BANK1: variants seen among roughly 807,000 people sequenced by gnomAD.
The protein encoded by BANK1 is B cell scaffold protein with ankyrin repeats 1.
Under a neutral mutation model 94.5 loss-of-function variants are expected in BANK1, and 95 were observed. That is an observed-to-expected ratio of 1.00 (90% CI 0.85 to 1.19). The LOEUF is 1.19. BANK1 is among the 50% of genes most tolerant of loss of function. The probability of loss-of-function intolerance (pLI) is 0.00; values close to 1 mark genes in which losing one functional copy is unlikely to be tolerated. For missense variants in BANK1, 987 were observed against 932.2 expected (o/e 1.06, Z -0.77); for synonymous variants, 334 against 308.4 (o/e 1.08, Z -0.87).
chr4:101,979,097 A>G (rs1261436974), intron 7 of BANK1, among the ~76,000 whole-genome samples: 8 of 152,048 alleles, frequency 5.3e-5, no homozygotes, highest in Non-Finnish European at 8.8e-5. Flanking sequence ...AATCCATTTT[A>G]TAAAATAAAG....
chr4:101,852,609 A>C (rs1727532223), intron 2 of BANK1, among the ~76,000 whole-genome samples: 1 of 150,612 alleles, frequency 6.6e-6, no homozygotes, highest in Non-Finnish European at 1.5e-5. Context: ...ATAGGAGCCT[A>C]CTAAATTGAC....
At chr4:101,871,401 A>T (rs1180051927) in intron 5 of BANK1, among the ~76,000 whole-genome samples, 1 of 152,096 alleles carries the variant, frequency 6.6e-6, no homozygotes, top group East Asian at 1.9e-4. Context: ...ATTTACCATA[A>T]AAACCTGTAA....
intron 7 of BANK1, among the ~76,000 whole-genome samples, chr4:101,951,877 A>T (rs1332842095): frequency 1.3e-5 from 2 of 151,816 alleles, no homozygotes; most frequent in East Asian, 1.9e-4. Context: ...AAACAAAAAA[A>T]ATAAAGAATG....
At chr4:101,822,365 A>G (rs1726192207) in intron 1 of BANK1, among the ~76,000 whole-genome samples, 1 of 151,526 alleles carries the variant, frequency 6.6e-6, no homozygotes, top group African/African-American at 2.4e-5. Context: ...CCTCAGAAAA[A>G]AAGAAAAAAA....
chr4:101,944,557 T>G (rs1479317200), intron 7 of BANK1, among the ~76,000 whole-genome samples: 1 of 151,958 alleles, frequency 6.6e-6, no homozygotes, highest in African/African-American at 2.4e-5. Flanking sequence ...AAAGCACTTT[T>G]GTTTTCATAG....
At chr4:101,854,694 C>T (rs1727614806) in intron 2 of BANK1, among the ~76,000 whole-genome samples, 1 of 151,620 alleles carries the variant, frequency 6.6e-6, no homozygotes, top group South Asian at 2.1e-4. Flanking sequence ...CCTTAATAAC[C>T]GTCATGGAAA....
At chr4:101,928,711 G>A (rs1007740150) in intron 7 of BANK1, among the ~76,000 whole-genome samples, 24 of 151,628 alleles carry the variant, frequency 1.6e-4, no homozygotes, top group African/African-American at 5.8e-4. Flanking sequence ...ATTTGAAGGG[G>A]AGAATGCCAA....
intron 1 of BANK1, among the ~76,000 whole-genome samples, chr4:101,825,643 A>C (rs1726336181): frequency 6.6e-6 from 1 of 152,052 alleles, no homozygotes; most frequent in South Asian, 2.1e-4. Flanking sequence ...GTGAGGATTA[A>C]ATGAGGTAAT....
intron 7 of BANK1, among the ~76,000 whole-genome samples, chr4:101,933,701 A>G (rs1445403494): frequency 6.6e-6 from 1 of 151,558 alleles, no homozygotes; most frequent in African/African-American, 2.4e-5. Context: ...AAGTAGCATC[A>G]ACTGTGTAGC....
chr4:101,985,712 G>A (rs1725462887), intron 7 of BANK1, among the ~76,000 whole-genome samples: 1 of 151,746 alleles, frequency 6.6e-6, no homozygotes, highest in Non-Finnish European at 1.5e-5. Context: ...GTTATAATCA[G>A]TGTAAACTTT....
At chr4:101,877,426 A>G (rs184155783) in intron 5 of BANK1, among the ~76,000 whole-genome samples, 2 of 152,356 alleles carry the variant, frequency 1.3e-5, no homozygotes, top group African/African-American at 4.8e-5. Context: ...TCTTATTTCA[A>G]TTAGAAAGAG....
chr4:102,065,823 G>GAGTT (rs1469271551), intron 13 of BANK1, among the ~76,000 whole-genome samples: 1 of 151,990 alleles, frequency 6.6e-6, no homozygotes, highest in East Asian at 1.9e-4. Context: ...GACAAATTAA[G>GAGTT]AGTTAGTAAA....
intron 7 of BANK1, among the ~76,000 whole-genome samples, chr4:101,997,321 ATTCAGT>A (rs1338115394): frequency 2.0e-5 from 3 of 152,112 alleles, no homozygotes; most frequent in African/African-American, 4.8e-5. Flanking sequence ...GTACTGCTGG[ATTCAGT>A]TTGCCAGTAT....
Position 101,917,989 on chromosome 4 carries a change from A to G in BANK1, c.1010-4A>G, listed in dbSNP as rs80317706. On this transcript the variant is annotated splice_region_variant and splice_polypyrimidine_tract_variant and intron_variant, in intron 6 of 16. Transcript: ENST00000322953. Reference sequence around the variant, plus strand: ...TTAAATCCTACTACTTCTTATGCTTACAGATACTCATTTCAAAGAACTTCC... The same window carrying G: ...TTAAATCCTACTACTTCTTATGCTTGCAGATACTCATTTCAAAGAACTTCC... 3.7e-3 allele frequency: 5,913 copies of G among 1,597,238 alleles called. 219 individuals carry two copies. In the African/African-American group the frequency reaches 0.072, roughly 19 times the overall value.
At chr4:101,942,133 C>G (rs1484980183) in intron 7 of BANK1, among the ~76,000 whole-genome samples, 1 of 151,878 alleles carries the variant, frequency 6.6e-6, no homozygotes, top group Non-Finnish European at 1.5e-5. Flanking sequence ...ATCTGGGTGA[C>G]TACCAGCCTC....
In BANK1 at chr4:102,060,300, G is replaced by T. The variant is rs778879836; in HGVS notation, c.2059G>T (p.Val687Leu). The T allele has an allele frequency of 3.1e-6, 5 of 1,610,800 alleles. No homozygotes were observed. Among genetic ancestry groups the T allele is most frequent in the Non-Finnish European group, 3.4e-6 (4 of 1,178,914 alleles). The change falls in exon 12 of 17, where the codon GTA becomes TTA. Residue 687 changes from valine to leucine, a missense_variant. Physicochemically the swap from Val to Leu is conservative, Grantham distance 32. Transcript: ENST00000322953. ...AGAACTCATCCTCCTGCAGGAGAAA[G>T]TAAAGAATGGGAAAATGTCTATGGA... Reference protein sequence around the residue: ...QEELILLQEKVKNGKMSMDEA... With the variant: ...QEELILLQEKLKNGKMSMDEA...
At chr4:101,922,180 C>A (rs532787801) in intron 7 of BANK1, among the ~76,000 whole-genome samples, 7 of 151,620 alleles carry the variant, frequency 4.6e-5, no homozygotes, top group East Asian at 2.0e-4. Flanking sequence ...TTACAATATC[C>A]CTAATATAAA....
chr4:101,982,388 T>A (rs1463394240), intron 7 of BANK1, among the ~76,000 whole-genome samples: 3 of 152,002 alleles, frequency 2.0e-5, no homozygotes, highest in Non-Finnish European at 4.4e-5. Context: ...TTATTAGGCC[T>A]ATTAGTGGCC....
intron 1 of BANK1, among the ~76,000 whole-genome samples, chr4:101,827,192 A>T (rs985325084): frequency 2.0e-5 from 3 of 151,928 alleles, no homozygotes; most frequent in African/African-American, 7.2e-5. Context: ...CACATAAACA[A>T]TTGTTGCTAA....
Sources: allele counts gnomAD v4.1 joint callset (sites outside exome capture counted in the v4.1 genomes callset), GRCh38; gene constraint gnomAD v4.1.1; transcripts MANE v1.5; gene names NCBI Gene and HGNC (gene_info 2026-07-23, HGNC 2026-07-21).